Variants in FRMPD4 observed in about 807,000 individuals in gnomAD.
FRMPD4 encodes FERM and PDZ domain containing 4, also known as FERM and PDZ domain-containing protein 4.
Under a neutral mutation model 94.1 loss-of-function variants are expected in FRMPD4, and 22 were observed. The ratio of observed to expected loss-of-function variants is 0.23; its 90% CI spans 0.17 to 0.33. FRMPD4 has a LOEUF of 0.33. FRMPD4 is among the 10% of genes least tolerant of loss of function. FRMPD4 has a pLI of 1.00. For missense variants in FRMPD4, 1,111 were observed against 1,339.9 expected, an observed-to-expected ratio of 0.83 and a Z score of 2.67; for synonymous variants, 631 against 548.6, an observed-to-expected ratio of 1.15 and a Z score of -2.10.
intron 3 of FRMPD4, among the ~76,000 whole-genome samples, chrX:12,072,502 TCATG>T (rs2054978131): frequency 8.9e-6 from 1 of 111,799 alleles, no homozygotes; most frequent in Non-Finnish European, 1.9e-5. Flanking sequence ...ATGTAATTAA[TCATG>T]CCCGGTTGTG....
chrX:11,896,625 G>T (rs2053905523), intron 3 of FRMPD4, among the ~76,000 whole-genome samples: 1 of 111,820 alleles, frequency 8.9e-6, no homozygotes, highest in South Asian at 3.7e-4. Context: ...AATTTCTGTT[G>T]CTTATAAGGC....
chrX:11,990,626 G>A lies in FRMPD4; in HGVS notation c.95+112608G>A, dbSNP rs960423. On this transcript the variant is annotated intron_variant, in intron 3 of 18. Transcript: ENST00000640291. ...TACTTTTTTCTGCATTCACATGTTT[G>A]GGGACCATTAAACATAATCCATAAT... Among the ~76,000 whole-genome samples, 887 of 111,458 alleles carry A rather than the reference G, an allele frequency of 8.0e-3. 10 individuals carry two copies. Among genetic ancestry groups the A allele is most frequent in the Non-Finnish European group, 0.012 (622 of 52,940 alleles).
chrX:12,671,080 G>A (rs1265587768), intron 4 of FRMPD4, among the ~76,000 whole-genome samples: 2 of 111,983 alleles, frequency 1.8e-5, no homozygotes, highest in Admixed American at 1.9e-4. Context: ...AAAAAGTCAG[G>A]AAACAACAAA....
At chrX:11,831,982 G>A (rs920922238) in intron 1 of FRMPD4, among the ~76,000 whole-genome samples, 5 of 111,897 alleles carry the variant, frequency 4.5e-5, no homozygotes, top group Non-Finnish European at 9.4e-5. Context: ...TCCTTCAAGA[G>A]GAAAATGACC....
At chrX:12,391,551 G>A (rs1483752295) in intron 1 of FRMPD4, among the ~76,000 whole-genome samples, 1 of 111,626 alleles carries the variant, frequency 9.0e-6, no homozygotes, top group Non-Finnish European at 1.9e-5. Flanking sequence ...GAAGTCATTT[G>A]GTATCTGGTC....
intron 1 of FRMPD4, among the ~76,000 whole-genome samples, chrX:12,144,118 G>T (rs1190635106): frequency 8.9e-6 from 1 of 112,133 alleles, no homozygotes; most frequent in Non-Finnish European, 1.9e-5. Context: ...GTACACTTGA[G>T]CCATCTGGTC....
chrX:12,411,097 A>G lies in FRMPD4; in HGVS notation c.42-87583A>G, dbSNP rs2040805029. Among the ~76,000 whole-genome samples, 4 of 111,561 alleles carry G rather than the reference A, an allele frequency of 3.6e-5. No homozygotes were observed. The South Asian group carries it at 1.5e-3, about 42-fold the overall frequency. ...TTCAAACAACTGTGCCATCAAAAAC[A>G]TTGGTGATGCAGCATTCTTAGGAGC... On this transcript the variant is annotated intron_variant, in intron 1 of 16. Transcript: ENST00000675598.
At chrX:11,837,355 T>C (rs1295690854) in intron 1 of FRMPD4, among the ~76,000 whole-genome samples, 2 of 111,973 alleles carry the variant, frequency 1.8e-5, no homozygotes, top group Non-Finnish European at 3.8e-5. Context: ...TATGTTGATG[T>C]TGAATTTTGA....
At chrX:11,893,157 A>C (rs2053884274) in intron 3 of FRMPD4, among the ~76,000 whole-genome samples, 1 of 111,440 alleles carries the variant, frequency 9.0e-6, no homozygotes, top group South Asian at 3.8e-4. Context: ...TTTTTCTACT[A>C]CTTTATCTTC....
At chrX:12,122,057 T>C in intron 3 of FRMPD4, among the ~76,000 whole-genome samples, 1 of 111,935 alleles carries the variant, frequency 8.9e-6, no homozygotes, top group East Asian at 2.8e-4. Flanking sequence ...TCCAATTTTA[T>C]ATATAAGGAA....
intron 1 of FRMPD4, among the ~76,000 whole-genome samples, chrX:12,159,078 A>G (rs2055981838): frequency 8.9e-6 from 1 of 112,446 alleles, no homozygotes; most frequent in Non-Finnish European, 1.9e-5. Context: ...TTAACAAGTT[A>G]AGGTAAAGCT....
chrX:12,671,452 G>T (rs2059842202), intron 4 of FRMPD4, among the ~76,000 whole-genome samples: 1 of 111,088 alleles, frequency 9.0e-6, no homozygotes. Context: ...GGATGAAGCT[G>T]CAAACCATCA....
chrX:12,147,518 A>G (rs1047548294), intron 1 of FRMPD4, among the ~76,000 whole-genome samples: 4 of 112,292 alleles, frequency 3.6e-5, no homozygotes, highest in African/African-American at 9.7e-5. Flanking sequence ...CTTGTATGAC[A>G]CTGTGTTATG....
At chrX:11,890,195 A>C (rs2053866709) in intron 3 of FRMPD4, among the ~76,000 whole-genome samples, 1 of 112,716 alleles carries the variant, frequency 8.9e-6, no homozygotes, top group Admixed American at 9.4e-5. Context: ...AGAAAATCAA[A>C]GTTTAGAGAA....
intron 1 of FRMPD4, among the ~76,000 whole-genome samples, chrX:12,173,665 G>C (rs1044763116): frequency 1.8e-5 from 2 of 111,590 alleles, no homozygotes; most frequent in Admixed American, 1.9e-4. Flanking sequence ...TAGGAATTCT[G>C]AGGATTAAAT....
chrX:12,014,657 A>G (rs568416840), intron 3 of FRMPD4, among the ~76,000 whole-genome samples: 1 of 111,866 alleles, frequency 8.9e-6, no homozygotes, highest in African/African-American at 3.3e-5. Flanking sequence ...AAAAGAAAAA[A>G]GTCTATGGAT....
intron 1 of FRMPD4, among the ~76,000 whole-genome samples, chrX:11,841,464 T>C (rs1415239201): frequency 2.8e-5 from 3 of 107,174 alleles, no homozygotes; most frequent in African/African-American, 1.0e-4. Context: ...TGGTATCTCA[T>C]TGTGGTTTTG....
intron 1 of FRMPD4, among the ~76,000 whole-genome samples, chrX:12,268,482 T>A (rs2054306321): frequency 8.9e-6 from 1 of 112,120 alleles, no homozygotes; most frequent in Non-Finnish European, 1.9e-5. Context: ...TTCCAGGTCA[T>A]CCCACCAACA....
At chrX:12,604,160 T>A (rs1394606475) in intron 2 of FRMPD4, among the ~76,000 whole-genome samples, 2 of 108,547 alleles carry the variant, frequency 1.8e-5, no homozygotes, top group Non-Finnish European at 3.8e-5. Context: ...TATAGGCCAA[T>A]GTAAGACTCT....
Sources: gnomAD v4.1 joint callset for allele counts (sites outside exome capture counted in the v4.1 genomes callset) on GRCh38, gnomAD v4.1.1 for gene constraint, MANE v1.5 for transcripts, NCBI Gene and HGNC (gene_info 2026-07-23, HGNC 2026-07-21) for gene names.